The following TBCK variants were observed in gnomAD, a reference collection of about 807,000 sequenced individuals.
TBCK encodes the protein TBC1 domain containing kinase.
In TBCK, 99 loss-of-function variants were observed where a neutral mutation model predicts 113.4. The observed-to-expected ratio is 0.87, with a 90% CI of 0.74 to 1.03. The LOEUF (loss-of-function observed/expected upper bound fraction) is 1.03, where lower values mean the gene tolerates loss of function less well. TBCK is among the 50% of genes least tolerant of loss of function. The pLI is 0.00. For missense variants in TBCK, 1,045 were observed against 1,061.3 expected, an observed-to-expected ratio of 0.98 and a Z score of 0.21; for synonymous variants, 369 against 370.8, an observed-to-expected ratio of 1.00 and a Z score of 0.05.
At chr4:106,225,856 G>A (rs944539943) in intron 19 of TBCK, among the ~76,000 whole-genome samples, 2 of 151,886 alleles carry the variant, frequency 1.3e-5, no homozygotes, top group African/African-American at 4.8e-5. Context: ...TATCTGTATA[G>A]TATGCCTTTT....
rs1244734139 is a variant in TBCK, at chr4:106,236,387, T to G, written c.1350+3A>C. ...TTAACACTTTATACTTTAGAATCCA[T>G]ACCTTTAGCAGCCTGTCGAAGAGAA... On this transcript the variant is annotated splice_donor_region_variant and intron_variant, in intron 14 of 25. Transcript: ENST00000394708. 1.4e-6 allele frequency: 2 copies of G among 1,478,220 alleles called. No individual in the cohort carries two copies. The highest frequency in any genetic ancestry group is 3.2e-5 in the South Asian group (2 of 63,038). The allele number at this position is 1,478,220 out of a possible 1,614,324, so 91.6% of individuals were successfully genotyped here. A position where few individuals can be genotyped will look rare whatever the true frequency, so the allele number is the denominator to read the frequency against.
At chr4:106,073,197 T>G (rs1737701819) in intron 25 of TBCK, among the ~76,000 whole-genome samples, 1 of 152,224 alleles carries the variant, frequency 6.6e-6, no homozygotes, top group Non-Finnish European at 1.5e-5. Context: ...TTTAGAATTT[T>G]CAGCTTTTCT....
rs778899665 is a variant in TBCK at position 106,193,774 on chromosome 4, T to G, written c.1898-4A>C. The stretch of plus-strand genomic sequence containing the variant: ...ATTTTGTGTAGTGGAAATACATCTG[T>G]AAAACGATAAAAATACAAATAAATT... On this transcript the variant is annotated splice_polypyrimidine_tract_variant and splice_region_variant and intron_variant, in intron 21 of 25. Coordinates refer to ENST00000394708, the MANE Select transcript of TBCK (RefSeq NM_001163435.3). 3.3e-6 allele frequency: 5 copies of G among 1,525,950 alleles called. No individual in the cohort carries two copies. In the African/African-American group the frequency reaches 7.1e-5, roughly 22 times the overall value. The allele number at this position is 1,525,950 out of a possible 1,614,324, so 94.5% of individuals were successfully genotyped here.
At chr4:106,066,100 C>T (rs1459428607) in intron 25 of TBCK, among the ~76,000 whole-genome samples, 3 of 152,042 alleles carry the variant, frequency 2.0e-5, no homozygotes, top group Non-Finnish European at 4.4e-5. Context: ...CACATGGCTT[C>T]TGATTATATA....
chr4:106,105,166 T>G (rs947095516), intron 24 of TBCK, among the ~76,000 whole-genome samples: 1 of 152,128 alleles, frequency 6.6e-6, no homozygotes, highest in Non-Finnish European at 1.5e-5. Context: ...CAAGCTGCAG[T>G]TGAACCAAGG....
At chr4:106,049,514 A>C (rs901879916) in intron 25 of TBCK, among the ~76,000 whole-genome samples, 5 of 152,102 alleles carry the variant, frequency 3.3e-5, no homozygotes, top group African/African-American at 1.2e-4. Flanking sequence ...TAGGGAGGAA[A>C]GAAAAGGCTG....
At chr4:106,069,808 CTTTTA>C (rs1432495154) in intron 25 of TBCK, among the ~76,000 whole-genome samples, 1 of 152,150 alleles carries the variant, frequency 6.6e-6, no homozygotes, top group Non-Finnish European at 1.5e-5. Context: ...TTTGTGTCCT[CTTTTA>C]TTTTGTTGAG....
At chr4:106,061,124 T>C (rs943849087) in intron 25 of TBCK, among the ~76,000 whole-genome samples, 1 of 151,884 alleles carries the variant, frequency 6.6e-6, no homozygotes, top group African/African-American at 2.4e-5. Context: ...GCATTTATTA[T>C]ATAAATTTAT....
At chr4:106,316,407 T>TCTTCC, upstream of TBCK, 1 of 758,246 alleles carries the variant, frequency 1.3e-6, no homozygotes, top group Non-Finnish European at 2.2e-6. Flanking sequence ...ACGAGGAGCG[T>TCTTCC]GGTATGGCAG....
chr4:106,230,809 A>G (rs1758774408), intron 18 of TBCK, among the ~76,000 whole-genome samples: 1 of 151,958 alleles, frequency 6.6e-6, no homozygotes, highest in East Asian at 1.9e-4. Context: ...GATGCAAACA[A>G]GAGTCTACGA....
At chr4:106,227,712 G>A (rs1346772771) in intron 19 of TBCK, among the ~76,000 whole-genome samples, 2 of 151,892 alleles carry the variant, frequency 1.3e-5, no homozygotes, top group Non-Finnish European at 2.9e-5. Context: ...AAGATCAAAA[G>A]GATATCTGAT....
chr4:106,241,466 A>T (rs1444671725), intron 12 of TBCK, among the ~76,000 whole-genome samples: 1 of 151,960 alleles, frequency 6.6e-6, no homozygotes, highest in Non-Finnish European at 1.5e-5. Context: ...AAAAAACTGA[A>T]GGTCTTCCCT....
chr4:106,254,584 G>T (rs1338234502), intron 5 of TBCK, among the ~76,000 whole-genome samples: 1 of 151,864 alleles, frequency 6.6e-6, no homozygotes, highest in Non-Finnish European at 1.5e-5. Flanking sequence ...TAATGATTTT[G>T]TCAAAATAAT....
intron 3 of TBCK, among the ~76,000 whole-genome samples, chr4:106,263,868 TACTA>T (rs1560932565): frequency 1.3e-5 from 2 of 152,004 alleles, no homozygotes; most frequent in Non-Finnish European, 2.9e-5. Flanking sequence ...TTTACTTACT[TACTA>T]ACTCTTCACT....
rs112091698 is a variant in TBCK at position 106,124,998 on chromosome 4, T to TAA, written c.2236-8622_2236-8621dup. Among the ~76,000 whole-genome samples, 279 of 105,912 alleles carry TAA rather than the reference T, an allele frequency of 2.6e-3. 6 individuals are homozygous for TAA. In the East Asian group the frequency reaches 0.065, roughly 25 times the overall value. 69.5% of individuals were successfully genotyped at this position (105,912 alleles called of 152,430 possible). A position where few individuals can be genotyped will look rare whatever the true frequency, so the allele number is the denominator to read the frequency against. ...CACATGTACCCTAAAACTTAAAGTA[T>TAA]AAAAAAAAAAAAAAAAACACAATGT... On this transcript the variant is annotated intron_variant, in intron 23 of 25. Coordinates refer to ENST00000394708, the MANE Select transcript of TBCK (RefSeq NM_001163435.3).
chr4:106,282,781 C>A (rs1026505049), intron 3 of TBCK, among the ~76,000 whole-genome samples: 1 of 152,094 alleles, frequency 6.6e-6, no homozygotes, highest in Admixed American at 6.6e-5. Flanking sequence ...AGGAAACATA[C>A]AATCTTGGCA....
At chr4:106,095,354 A>G in intron 25 of TBCK, 128 bp downstream of exon 25, 5 of 800,046 alleles carry the variant, frequency 6.2e-6, no homozygotes, top group Non-Finnish European at 9.1e-6. Context: ...ATAAGAACAC[A>G]GACAAATCTT....
In TBCK at chr4:106,285,547, C is replaced by A. The variant is rs191507127; in HGVS notation, c.266+9547G>T. Among the ~76,000 whole-genome samples, 149 of 152,058 alleles carry A rather than the reference C, an allele frequency of 9.8e-4. 1 individual carries two copies. The highest frequency in any genetic ancestry group is 1.9e-3 in the Non-Finnish European group (126 of 67,978). On this transcript the variant is annotated intron_variant, in intron 3 of 25. Transcript: ENST00000394708. ...TTTCATTCCCCTGATCCCTGTCCCACCAAAGATTTAAAATTTAAAATTTAA... is the reference window on the plus strand; with the variant it reads ...TTTCATTCCCCTGATCCCTGTCCCAACAAAGATTTAAAATTTAAAATTTAA...
intron 23 of TBCK, among the ~76,000 whole-genome samples, chr4:106,144,525 G>C (rs1747529743): frequency 1.3e-5 from 2 of 152,168 alleles, no homozygotes; most frequent in African/African-American, 4.8e-5. Context: ...ACAAGCTGAA[G>C]TGTTGAAAAG....
Sources: gnomAD v4.1 joint callset for allele counts (sites outside exome capture counted in the v4.1 genomes callset) on GRCh38, gnomAD v4.1.1 for gene constraint, MANE v1.5 for transcripts, NCBI Gene and HGNC (gene_info 2026-07-23, HGNC 2026-07-21) for gene names.